The following CNTNAP4 variants were observed in gnomAD, a reference collection of about 807,000 sequenced individuals.
CNTNAP4 encodes the protein contactin-associated protein-like 4.
In CNTNAP4, 98 loss-of-function variants were observed where a neutral mutation model predicts 148.4. The ratio of observed to expected loss-of-function variants is 0.66; its 90% CI spans 0.56 to 0.78. The LOEUF (loss-of-function observed/expected upper bound fraction) is 0.78. Among genes scored for constraint, CNTNAP4 ranks in the 30% least tolerant of loss-of-function variants. The probability of loss-of-function intolerance (pLI) is 0.00; values close to 1 mark genes in which losing one functional copy is unlikely to be tolerated. For synonymous variants in CNTNAP4, 730 were observed against 565.1 expected, an observed-to-expected ratio of 1.29 and a Z score of -4.14; for missense variants, 1,935 against 1,565.6, an observed-to-expected ratio of 1.24 and a Z score of -3.98.
At chr16:76,327,722 G>A (rs1372485158) in intron 2 of CNTNAP4, among the ~76,000 whole-genome samples, 1 of 152,200 alleles carries the variant, frequency 6.6e-6, no homozygotes, top group African/African-American at 2.4e-5. Flanking sequence ...TGAGGGATGA[G>A]GAGGAGTGCC....
intron 17 of CNTNAP4, among the ~76,000 whole-genome samples, chr16:76,529,396 G>T (rs2083876331): frequency 6.6e-6 from 1 of 152,188 alleles, no homozygotes; most frequent in African/African-American, 2.4e-5. Flanking sequence ...TTAGCATCCA[G>T]TCACTGCTGT....
intron 9 of CNTNAP4, among the ~76,000 whole-genome samples, chr16:76,464,692 T>A (rs1263825862): frequency 6.6e-6 from 1 of 152,178 alleles, no homozygotes; most frequent in African/African-American, 2.4e-5. Context: ...CTCCACTCTT[T>A]ACCAGTCTTG....
In CNTNAP4 at chr16:76,462,048, G is replaced by T; in HGVS notation, c.1426G>T (p.Ala476Ser). ...GGCGGTGGACGGCCAGATGGCTTCTGCTGCTCCTCTGCTGGGGCCTGAGCA... is the reference window on the plus strand; with the variant it reads ...GGCGGTGGACGGCCAGATGGCTTCTTCTGCTCCTCTGCTGGGGCCTGAGCA... ...SVAVDGQMAS[A>S]APLLGPEQIY... The change falls in exon 9 of 24, where the codon GCT becomes TCT. Residue 476 changes from alanine (A) to serine (S), a missense_variant. Physicochemically the swap from Ala to Ser is moderately conservative, Grantham distance 99. Coordinates refer to ENST00000611870, the MANE Select transcript of CNTNAP4 (RefSeq NM_033401.5). 6.2e-7 allele frequency: 1 copy of T among 1,613,830 alleles called. No individual in the cohort carries two copies.
At chr16:76,418,142 A>C (rs2144970687) in intron 3 of CNTNAP4, among the ~76,000 whole-genome samples, 1 of 151,710 alleles carries the variant, frequency 6.6e-6, no homozygotes, top group African/African-American at 2.4e-5. Context: ...TCTACAGTTC[A>C]GTGTCTGTCA....
chr16:76,399,804 T>C (rs2078339816), intron 3 of CNTNAP4, among the ~76,000 whole-genome samples: 1 of 152,246 alleles, frequency 6.6e-6, no homozygotes, highest in South Asian at 2.1e-4. Flanking sequence ...TTTATAAGTA[T>C]GCTGATCACA....
At chr16:76,478,352 A>G (rs2081669932) in intron 11 of CNTNAP4, among the ~76,000 whole-genome samples, 1 of 152,218 alleles carries the variant, frequency 6.6e-6, no homozygotes, top group African/African-American at 2.4e-5. Context: ...TGCAAATGTG[A>G]CTGGAAGATG....
chr16:76,434,038 A>G (rs1291182275), intron 4 of CNTNAP4, among the ~76,000 whole-genome samples: 1 of 150,720 alleles, frequency 6.6e-6, no homozygotes, highest in Non-Finnish European at 1.5e-5. Context: ...TGTGTTCTGT[A>G]TATATATGCA....
intron 1 of CNTNAP4, among the ~76,000 whole-genome samples, chr16:76,304,379 A>G (rs957569301): frequency 1.3e-5 from 2 of 152,050 alleles, no homozygotes; most frequent in Admixed American, 6.6e-5. Flanking sequence ...GACCCAGACC[A>G]CCACAGAAGT....
chr16:76,308,294 A>G lies in CNTNAP4; in HGVS notation c.86-8119A>G, dbSNP rs561549807. 7.9e-5 allele frequency among the ~76,000 whole-genome samples: 12 copies of G among 152,352 alleles called. No individual in the cohort carries two copies. In the South Asian group the frequency reaches 2.5e-3, roughly 32 times the overall value. On this transcript the variant is annotated intron_variant, in intron 1 of 23. Coordinates refer to ENST00000611870, the MANE Select transcript of CNTNAP4 (RefSeq NM_033401.5). ...TAGTAGTCTACACTCGTGGCATTTA[A>G]TCGAGTTGAAATATCATTTTAGGTA...
intron 3 of CNTNAP4, among the ~76,000 whole-genome samples, chr16:76,379,522 C>T (rs1021887220): frequency 6.6e-6 from 1 of 152,132 alleles, no homozygotes; most frequent in African/African-American, 2.4e-5. Context: ...TACTCTTTCT[C>T]TAACTGATTT....
chr16:76,299,359 G>T (rs901344169), intron 1 of CNTNAP4, among the ~76,000 whole-genome samples: 1 of 152,162 alleles, frequency 6.6e-6, no homozygotes, highest in African/African-American at 2.4e-5. Context: ...CTTCACAAAA[G>T]AAGACATTTA....
intron 2 of CNTNAP4, among the ~76,000 whole-genome samples, chr16:76,340,076 T>C (rs900263487): frequency 1.3e-5 from 2 of 152,188 alleles, no homozygotes; most frequent in Non-Finnish European, 2.9e-5. Context: ...TAGGCTCCAC[T>C]GTCAGATTGG....
At chr16:76,443,557 C>G (rs938815804) in intron 4 of CNTNAP4, among the ~76,000 whole-genome samples, 2 of 152,080 alleles carry the variant, frequency 1.3e-5, no homozygotes, top group African/African-American at 4.8e-5. Context: ...TGCCATTGCA[C>G]TCCAGCCTAG....
intron 3 of CNTNAP4, among the ~76,000 whole-genome samples, chr16:76,404,904 A>T (rs1436460499): frequency 6.6e-6 from 1 of 152,156 alleles, no homozygotes; most frequent in Non-Finnish European, 1.5e-5. Context: ...ATGGTAACTA[A>T]TGAGGTGATG....
At chr16:76,555,583 A>G (rs190134759) in intron 23 of CNTNAP4, among the ~76,000 whole-genome samples, 2 of 152,360 alleles carry the variant, frequency 1.3e-5, no homozygotes, top group Non-Finnish European at 2.9e-5. Context: ...AGAGACAGAT[A>G]GAAATATAGA....
intron 3 of CNTNAP4, among the ~76,000 whole-genome samples, chr16:76,421,393 C>G (rs74026772): frequency 0.031 from 4,695 of 152,024 alleles, 245 homozygotes; most frequent in African/African-American, 0.11. Context: ...ATTGCTATTT[C>G]TTTATTATAA....
chr16:76,533,078 AAT>A (rs1444121561), intron 17 of CNTNAP4, among the ~76,000 whole-genome samples: 1 of 152,156 alleles, frequency 6.6e-6, no homozygotes, highest in Non-Finnish European at 1.5e-5. Context: ...CAAGATGTGG[AAT>A]CAACCCAGTT....
chr16:76,373,238 T>C (rs2015044610), intron 3 of CNTNAP4, among the ~76,000 whole-genome samples: 1 of 150,388 alleles, frequency 6.6e-6, no homozygotes, highest in Non-Finnish European at 1.5e-5. Flanking sequence ...ATATTCCACA[T>C]AAATAGGTGA....
chr16:76,539,533 T>C (rs528938750), intron 19 of CNTNAP4, among the ~76,000 whole-genome samples, 186 bp from the exon 20 acceptor site: 111 of 152,206 alleles, frequency 7.3e-4, no homozygotes, highest in Middle Eastern at 3.4e-3. Context: ...ACATACTTGG[T>C]CATGATTTTG....
Sources: allele counts gnomAD v4.1 joint callset (sites outside exome capture counted in the v4.1 genomes callset), GRCh38; gene constraint gnomAD v4.1.1; transcripts MANE v1.5; gene names NCBI Gene and HGNC (gene_info 2026-07-23, HGNC 2026-07-21).